Variants in LHCGR observed in about 807,000 individuals in gnomAD.
LHCGR encodes the protein lutropin-choriogonadotropic hormone receptor.
LHCGR carries 55 observed loss-of-function variants against 60.7 expected under a neutral mutation model. The ratio of observed to expected loss-of-function variants is 0.91; its 90% CI spans 0.73 to 1.13. LHCGR has a LOEUF of 1.13. LHCGR is among the 50% of genes most tolerant of loss of function. The probability of loss-of-function intolerance (pLI) is 0.00; values close to 1 mark genes in which losing one functional copy is unlikely to be tolerated. For missense variants in LHCGR, 862 were observed against 836.0 expected, an observed-to-expected ratio of 1.03 and a Z score of -0.38; for synonymous variants, 337 against 316.5, an observed-to-expected ratio of 1.06 and a Z score of -0.69.
rs1668588180 is a variant in LHCGR, at chr2:48,723,482, T to C, written c.510A>G (p.Gln170=). ...HITTIPGNAF[Q]GMNNESVTLK... ...GTGTTACAGATTCATTATTCATCCC[T>C]TGAAAAGCATTTCCTGGTATGGTGG... Residue 170 remains glutamine (Q), a synonymous_variant, in exon 6 of 11, where the codon CAA becomes CAG. Transcript: ENST00000294954. 6.2e-7 allele frequency: 1 copy of C among 1,612,048 alleles called. No homozygotes were observed. The highest frequency in any genetic ancestry group is 1.7e-5 in the Admixed American group (1 of 59,996).
intron 8 of LHCGR, among the ~76,000 whole-genome samples, chr2:48,707,158 G>T (rs1311383083): frequency 6.6e-6 from 1 of 152,208 alleles, no homozygotes; most frequent in Non-Finnish European, 1.5e-5. Flanking sequence ...CCCGTCAGCT[G>T]CAGGTCTGTT....
intron 1 of LHCGR, among the ~76,000 whole-genome samples, chr2:48,742,604 A>G (rs1384318632): frequency 1.3e-5 from 2 of 151,590 alleles, no homozygotes; most frequent in East Asian, 1.9e-4. Flanking sequence ...TGGGTACATA[A>G]CAAAATGAAG....
chr2:48,720,649 C>T (rs951298395), intron 6 of LHCGR: 1 of 152,300 alleles, frequency 6.6e-6, no homozygotes, highest in Non-Finnish European at 1.5e-5. Flanking sequence ...ATCCTGTTCT[C>T]CTCCTGCCAT....
At chr2:48,715,850 G>C (rs952308309) in intron 6 of LHCGR, among the ~76,000 whole-genome samples, 1 of 152,188 alleles carries the variant, frequency 6.6e-6, no homozygotes, top group African/African-American at 2.4e-5. Context: ...CTCCTCGTTA[G>C]AGTCAGTTCA....
chr2:48,694,123 C>T (rs368365476), intron 10 of LHCGR, 101 bp downstream of exon 10: 55 of 818,382 alleles, frequency 6.7e-5, no homozygotes, highest in African/African-American at 5.7e-4. Flanking sequence ...GCAACAGCTC[C>T]GTAACCAAGA....
rs777195872 is a variant in LHCGR at position 48,729,176 on chromosome 2, G to T, written c.285C>A (p.Asp95Glu). The change falls in exon 3 of 11, where the codon GAC (aspartate) becomes GAA (glutamate). Residue 95 changes from aspartate (D) to glutamate (E), a missense_variant. Physicochemically the swap from Asp to Glu is conservative, Grantham distance 45 (BLOSUM62 2). Transcript: ENST00000294954. ...ACATTTCAGACAAATTGAGGAGGTT[G>T]TCAAAGGCATTAGCTTCTATCCTTT... ...SLERIEANAF[D>E]NLLNLSEILI... 7 of 1,611,670 alleles carry T rather than the reference G, an allele frequency of 4.3e-6. No individual in the cohort carries two copies. The East Asian group carries it at 1.6e-4, about 36-fold the overall frequency.
intron 1 of LHCGR, among the ~76,000 whole-genome samples, chr2:48,739,718 C>T (rs946437924): frequency 1.4e-4 from 22 of 151,900 alleles, no homozygotes; most frequent in East Asian, 3.9e-4. Flanking sequence ...TGTTAAATGA[C>T]GAGTTAATGG....
At chr2:48,710,738 C>T (rs571118535) in intron 7 of LHCGR, among the ~76,000 whole-genome samples, 1 of 152,320 alleles carries the variant, frequency 6.6e-6, no homozygotes, top group East Asian at 1.9e-4. Flanking sequence ...GCGGCTGCCC[C>T]TGTCTTTCCT....
rs1558913693 is a variant in LHCGR, at chr2:48,755,613, G to T, written c.59C>A (p.Pro20Gln). ...LLKLLLLLQP[P>Q]LPRALREALC... ...CGCCTCGCGCAGCGCTCGTGGCAGC[G>T]GCGGCTGCAGCAGCAGCAGCAGCTT... The change falls in exon 1 of 11, where the codon CCG (proline) becomes CAG (glutamine). Residue 20 changes from proline (P) to glutamine (Q), a missense_variant. Physicochemically the swap from Pro to Gln is moderately conservative, Grantham distance 76. Coordinates refer to ENST00000294954, the MANE Select transcript of LHCGR (RefSeq NM_000233.4). 3.5e-6 allele frequency: 5 copies of T among 1,408,494 alleles called. No homozygotes were observed. Among genetic ancestry groups the T allele is most frequent in the African/African-American group, 1.5e-5 (1 of 68,650 alleles). The allele number at this position is 1,408,494 out of a possible 1,614,324, so 87.2% of individuals were successfully genotyped here.
At chr2:48,695,709 G>C (rs756657857) in intron 9 of LHCGR, among the ~76,000 whole-genome samples, 3 of 152,130 alleles carry the variant, frequency 2.0e-5, no homozygotes, top group African/African-American at 7.2e-5. Context: ...ATTCTATGCA[G>C]CCATAAAAAA....
At chr2:48,725,867 G>T (rs1474009235) in intron 3 of LHCGR, 117 bp from the exon 4 acceptor site, 1 of 823,110 alleles carries the variant, frequency 1.2e-6, no homozygotes, top group Non-Finnish European at 2.1e-6. Context: ...AAAAGCAGGC[G>T]ACCTTCATAT....
chr2:48,691,342 C>A (rs1478712086), intron 10 of LHCGR, among the ~76,000 whole-genome samples: 3 of 152,006 alleles, frequency 2.0e-5, no homozygotes, highest in Non-Finnish European at 4.4e-5. Flanking sequence ...TATTGTGGAG[C>A]CCAGTTTGGA....
chr2:48,743,850 T>C (rs1472055308), intron 1 of LHCGR, among the ~76,000 whole-genome samples: 1 of 151,910 alleles, frequency 6.6e-6, no homozygotes, highest in Admixed American at 6.6e-5. Context: ...CCAGGGCAAT[T>C]AGGCAGGAGA....
At chr2:48,753,409 T>C (rs1303890161) in intron 1 of LHCGR, among the ~76,000 whole-genome samples, 1 of 152,204 alleles carries the variant, frequency 6.6e-6, no homozygotes, top group Non-Finnish European at 1.5e-5. Context: ...TCTTGAAAGA[T>C]GAGGGCATCT....
chr2:48,719,896 C>T (rs1668426259), intron 6 of LHCGR: 1 of 152,128 alleles, frequency 6.6e-6, no homozygotes, highest in African/African-American at 2.4e-5. Context: ...AGCGTAATGC[C>T]CTTTTTCCAG....
intron 7 of LHCGR, among the ~76,000 whole-genome samples, chr2:48,710,044 A>C (rs1409902307): frequency 6.6e-6 from 1 of 152,180 alleles, no homozygotes; most frequent in Non-Finnish European, 1.5e-5. Flanking sequence ...TACAGTGTAC[A>C]CAGCAAAACA....
Position 48,755,554 on chromosome 2 carries a change from C to T in LHCGR, c.118G>A (p.Gly40Ser). Residue 40 changes from glycine to serine, a missense_variant, in exon 1 of 11, where the codon GGC (glycine) becomes AGC (serine). Coordinates refer to ENST00000294954, the MANE Select transcript of LHCGR (RefSeq NM_000233.4). ...CPEPCNCVPD[G>S]ALRCPGPTAG... ...GTGGGGCCGGGGCAGCGCAGGGCGC[C>T]GTCGGGCACGCAGTTGCAGGGCTCA... is the stretch of plus-strand genomic sequence containing the variant. The T allele has an allele frequency of 1.3e-6, 2 of 1,541,108 alleles. No individual in the cohort carries two copies. The highest frequency in any genetic ancestry group is 2.0e-5 in the Admixed American group (1 of 50,848).
At chr2:48,737,165 G>GT (rs1227024307) in intron 1 of LHCGR, among the ~76,000 whole-genome samples, 2 of 152,210 alleles carry the variant, frequency 1.3e-5, no homozygotes, top group South Asian at 2.1e-4. Flanking sequence ...CAGAAGTGAA[G>GT]TGTTTTTATT....
chr2:48,688,161 A>G lies in LHCGR; in HGVS notation c.1636T>C (p.Tyr546His). The change falls in exon 11 of 11, where the codon TAC (tyrosine) becomes CAC (histidine). Residue 546 changes from tyrosine (Y) to histidine (H), a missense_variant. Coordinates refer to ENST00000294954, the MANE Select transcript of LHCGR (RefSeq NM_000233.4). This position sits in a 1 kb window ranked among gnomAD's most constrained non-coding sequence, Gnocchi z 5.2. ...VVAFFIICACYIKIYFAVRNP... is the reference protein window; with the variant it reads ...VVAFFIICACHIKIYFAVRNP... The stretch of plus-strand genomic sequence containing the variant: ...CGAACTGCAAAATAAATTTTAATGT[A>G]GCAAGCACAAATTATGAAGAAGGCC... The G allele has an allele frequency of 1.2e-6, 2 of 1,614,150 alleles. No individual in the cohort carries two copies. Among genetic ancestry groups the G allele is most frequent in the Non-Finnish European group, 8.5e-7 (1 of 1,179,996 alleles).
Sources: allele counts gnomAD v4.1 joint callset (sites outside exome capture counted in the v4.1 genomes callset), GRCh38; gene constraint gnomAD v4.1.1; non-coding constraint Gnocchi (gnomAD v3.1); transcripts MANE v1.5; gene names NCBI Gene and HGNC (gene_info 2026-07-23, HGNC 2026-07-21).